The following THADA variants were observed in gnomAD, a reference collection of about 807,000 sequenced individuals.
The protein encoded by THADA is THADA armadillo repeat containing.
In THADA, 213 loss-of-function variants were observed where a neutral mutation model predicts 219.8. That is an observed-to-expected ratio of 0.97 (90% CI 0.87 to 1.09). The LOEUF (loss-of-function observed/expected upper bound fraction) is 1.09. THADA is among the 50% of genes least tolerant of loss of function. The pLI, the probability that THADA is intolerant of heterozygous loss-of-function variation, is 0.00. For synonymous variants in THADA, 1,018 were observed against 828.9 expected (o/e 1.23, Z -3.92); for missense variants, 2,956 against 2,311.3 (o/e 1.28, Z -5.72).
At chr2:43,332,934 G>A (rs969520209) in intron 30 of THADA, among the ~76,000 whole-genome samples, 2 of 152,206 alleles carry the variant, frequency 1.3e-5, no homozygotes, top group South Asian at 2.1e-4. Flanking sequence ...TCTCGCTGCG[G>A]TATGAAGAAG....
chr2:43,264,264 G>A (rs1671275303), intron 36 of THADA, among the ~76,000 whole-genome samples: 2 of 151,734 alleles, frequency 1.3e-5, no homozygotes, highest in Admixed American at 1.3e-4. Flanking sequence ...CTTGCTGATA[G>A]AAGTAGCTTT....
intron 36 of THADA, among the ~76,000 whole-genome samples, chr2:43,263,406 G>A (rs979410444): frequency 1.3e-5 from 2 of 152,020 alleles, no homozygotes; most frequent in African/African-American, 4.8e-5. Flanking sequence ...TGATTGGGGG[G>A]GCATTTTAAA....
chr2:43,334,475 G>A (rs1193572823), intron 30 of THADA, among the ~76,000 whole-genome samples: 1 of 152,116 alleles, frequency 6.6e-6, no homozygotes, highest in Non-Finnish European at 1.5e-5. Context: ...ACTGTTTTAT[G>A]CAAAAAATTT....
chr2:43,525,290 G>T (rs993581043), intron 22 of THADA, among the ~76,000 whole-genome samples: 3 of 152,164 alleles, frequency 2.0e-5, no homozygotes, highest in Admixed American at 6.6e-5. Flanking sequence ...GTTTTTCAAA[G>T]ATGGCTACCA....
chr2:43,528,028 T>A (rs933083673), intron 21 of THADA, 40 bp from the exon 22 acceptor site: 1 of 1,481,910 alleles, frequency 6.7e-7, no homozygotes, highest in African/African-American at 1.4e-5. Context: ...GATTTATGTT[T>A]ACATTCGCAA....
At chr2:43,499,480 G>A (rs891098307) in intron 24 of THADA, among the ~76,000 whole-genome samples, 5 of 152,038 alleles carry the variant, frequency 3.3e-5, no homozygotes, top group Non-Finnish European at 5.9e-5. Context: ...AGGTTCAAGC[G>A]ATTCTCCTGC....
At chr2:43,338,671 T>C (rs1346979412) in intron 30 of THADA, among the ~76,000 whole-genome samples, 1 of 152,214 alleles carries the variant, frequency 6.6e-6, no homozygotes, top group Non-Finnish European at 1.5e-5. Flanking sequence ...TTCATCCATG[T>C]TGTGGCATAT....
intron 21 of THADA, among the ~76,000 whole-genome samples, chr2:43,534,678 T>C (rs1298537225): frequency 1.3e-5 from 2 of 152,226 alleles, no homozygotes; most frequent in Admixed American, 1.3e-4. Context: ...AGTATTCCAC[T>C]CTGTATATAT....
chr2:43,274,371 T>C (rs1315437824), intron 36 of THADA, among the ~76,000 whole-genome samples: 1 of 152,182 alleles, frequency 6.6e-6, no homozygotes, highest in Non-Finnish European at 1.5e-5. Flanking sequence ...GTTCTGAAGC[T>C]TTCTTATTTC....
chr2:43,472,024 A>G (rs1258604324), intron 26 of THADA, among the ~76,000 whole-genome samples: 6 of 152,226 alleles, frequency 3.9e-5, no homozygotes, highest in Non-Finnish European at 7.3e-5. Flanking sequence ...AAGAAATTCT[A>G]CAAAGAGTGA....
chr2:43,365,125 A>T (rs1041944023), intron 29 of THADA, among the ~76,000 whole-genome samples: 4 of 151,890 alleles, frequency 2.6e-5, no homozygotes, highest in Non-Finnish European at 4.4e-5. Context: ...GGGTTTCACC[A>T]TGTTGGCCAG....
intron 30 of THADA, among the ~76,000 whole-genome samples, chr2:43,338,437 C>G (rs1371969679): frequency 1.3e-5 from 2 of 152,050 alleles, no homozygotes; most frequent in Admixed American, 1.3e-4. Flanking sequence ...GATAACAGCT[C>G]TAAGCCACTG....
At chr2:43,276,577 G>T (rs920941663) in intron 36 of THADA, among the ~76,000 whole-genome samples, 1 of 152,108 alleles carries the variant, frequency 6.6e-6, no homozygotes, top group African/African-American at 2.4e-5. Context: ...GAAAGTGCCC[G>T]TGGGGACCGA....
At chr2:43,423,117 T>C (rs1394051758) in intron 28 of THADA, among the ~76,000 whole-genome samples, 2 of 152,190 alleles carry the variant, frequency 1.3e-5, no homozygotes, top group Non-Finnish European at 1.5e-5. Context: ...ATTTCACCCC[T>C]TTCCTCCCCA....
At chr2:43,383,434 A>T (rs1002943667) in intron 29 of THADA, among the ~76,000 whole-genome samples, 5 of 152,204 alleles carry the variant, frequency 3.3e-5, no homozygotes, top group African/African-American at 1.2e-4. Flanking sequence ...AGTTTAAGCT[A>T]ACATACCAGA....
intron 26 of THADA, among the ~76,000 whole-genome samples, chr2:43,434,780 G>A (rs1022735687): frequency 6.6e-6 from 1 of 152,182 alleles, no homozygotes; most frequent in African/African-American, 2.4e-5. Context: ...AATTCTTCCG[G>A]TATATCAAGG....
intron 4 of THADA, among the ~76,000 whole-genome samples, chr2:43,589,068 T>TA (rs1347060077): frequency 1.3e-5 from 2 of 152,250 alleles, no homozygotes; most frequent in African/African-American, 4.8e-5. Flanking sequence ...AGTATGACAG[T>TA]TGCTCAAAAA....
chr2:43,427,684 C>T (rs918821194), intron 28 of THADA, among the ~76,000 whole-genome samples: 2 of 149,258 alleles, frequency 1.3e-5, no homozygotes, highest in African/African-American at 2.4e-5. Flanking sequence ...TGGCCGGGCG[C>T]GGTGGCTCAT....
At position 43,231,125 on chromosome 2, in the gene THADA, A is replaced by C; in HGVS notation, c.5685T>G (p.Phe1895Leu). 1 of 1,613,940 alleles carries C rather than the reference A, an allele frequency of 6.2e-7. No homozygotes were observed. Among genetic ancestry groups the C allele is most frequent in the Non-Finnish European group, 8.5e-7 (1 of 1,179,846 alleles). ...FFRELPPAAE[F>L]VKTVEFTRLR... ...GTCTTGTGAACTCCACTGTCTTCAC[A>C]AACTCAGCAGCTGGTGGAAGCTCTC... is the stretch of plus-strand genomic sequence containing the variant. The change falls in exon 38 of 38, where the codon TTT (phenylalanine) becomes TTG (leucine). Residue 1895 changes from phenylalanine to leucine, a missense_variant. Phe to Leu is a conservative substitution (Grantham distance 22). Transcript: ENST00000405975.
Sources: allele counts gnomAD v4.1 joint callset (sites outside exome capture counted in the v4.1 genomes callset), GRCh38; gene constraint gnomAD v4.1.1; transcripts MANE v1.5; gene names NCBI Gene and HGNC (gene_info 2026-07-23, HGNC 2026-07-21).